MC5R: variants seen among roughly 807,000 people sequenced by gnomAD.
MC5R encodes melanocortin receptor 5.
For synonymous variants in MC5R, 167 were observed against 164.4 expected (o/e 1.02, Z -0.12); for missense variants, 420 against 431.4 (o/e 0.97, Z 0.23).
Position 13,826,008 on chromosome 18 carries a change from G to T in MC5R, c.243G>T (p.Ala81=), listed in dbSNP as rs2236699. The change falls in exon 2 of 2, where the codon GCG becomes GCT. Residue 81 remains alanine (A), a synonymous_variant. Transcript: ENST00000589410. ...TCTTCGTGTGCAGCCTGGCAGTGGC[G>T]GACATGCTGGTGAGCATGTCCAGTG... ...MYFFVCSLAV[A]DMLVSMSSAW... The T allele has an allele frequency of 0.05, 81,356 of 1,613,930 alleles. 2,738 individuals are homozygous for T. The highest frequency in any genetic ancestry group is 0.17 in the East Asian group (7,665 of 44,852).
chr18:13,826,591 C>G lies in MC5R; in HGVS notation c.826C>G (p.His276Asp). 7 of 1,614,180 alleles carry G rather than the reference C, an allele frequency of 4.3e-6. No individual in the cohort carries two copies. The South Asian group carries it at 7.7e-5, about 18-fold the overall frequency. ...CCTCTACTGCTCTCGCTTCATGTCT[C>G]ACTTCAATATGTACCTCATACTCAT... The part of the protein sequence containing the change: ...QNLYCSRFMS[H>D]FNMYLILIMC... Residue 276 changes from histidine (H) to aspartate (D), a missense_variant, in exon 2 of 2, where the codon CAC becomes GAC. Coordinates refer to ENST00000589410, the MANE Select transcript of MC5R (RefSeq NM_005913.3).
chr18:13,826,648 T>C lies in MC5R; in HGVS notation c.883T>C (p.Tyr295His), dbSNP rs757649286. 1.9e-6 allele frequency: 3 copies of C among 1,614,132 alleles called. No individual in the cohort carries two copies. In the East Asian group the frequency reaches 6.7e-5, roughly 36 times the overall value. Reference protein sequence around the residue: ...MCNSVMDPLIYAFRSQEMRKT... With the variant: ...MCNSVMDPLIHAFRSQEMRKT... ...TAATTCCGTGATGGACCCTCTCATA[T>C]ATGCCTTCCGCAGCCAAGAGATGCG... is the stretch of plus-strand genomic sequence containing the variant. Residue 295 changes from tyrosine to histidine, a missense_variant, in exon 2 of 2, where the codon TAT becomes CAT. Physicochemically the swap from Tyr to His is moderately conservative, Grantham distance 83. Transcript: ENST00000589410.
chr18:13,825,650 G>A, intron 1 of MC5R, 77 bp from the exon 2 acceptor site: 2 of 836,144 alleles, frequency 2.4e-6, no homozygotes, highest in Non-Finnish European at 3.8e-6. Flanking sequence ...AGGCTGTGTT[G>A]GTTCTAGGCT....
Position 13,826,497 on chromosome 18 carries a change from G to A in MC5R, c.732G>A (p.Leu244=). The A allele has an allele frequency of 6.2e-7, 1 of 1,613,638 alleles. No individual in the cohort carries two copies. Among genetic ancestry groups the A allele is most frequent in the Non-Finnish European group, 8.5e-7 (1 of 1,179,618 alleles). Residue 244 remains leucine (L), a synonymous_variant, in exon 2 of 2, where the codon CTG becomes CTA. Coordinates refer to ENST00000589410, the MANE Select transcript of MC5R (RefSeq NM_005913.3). ...GCGCGGTCACCGTCACCATGCTGCT[G>A]GGCGTGTTTACCGTGTGCTGGGCCC... ...MQGAVTVTML[L]GVFTVCWAPF...
rs746582014 is a variant in MC5R at position 13,826,189 on chromosome 18, G to C, written c.424G>C (p.Val142Leu). Residue 142 changes from valine to leucine, a missense_variant, in exon 2 of 2, where the codon GTC becomes CTC. Coordinates refer to ENST00000589410, the MANE Select transcript of MC5R (RefSeq NM_005913.3). ...SLLAIAVDRY[V>L]TIFYALRYHH... is the part of the protein sequence containing the mutation. ...ACTGGCCATTGCAGTGGATAGGTACGTCACCATCTTCTACGCCCTGCGCTA... is the reference window on the plus strand; with the variant it reads ...ACTGGCCATTGCAGTGGATAGGTACCTCACCATCTTCTACGCCCTGCGCTA... The C allele has an allele frequency of 1.9e-6, 3 of 1,614,020 alleles. No homozygotes were observed. The highest frequency in any genetic ancestry group is 1.3e-5 in the African/African-American group (1 of 74,916).
rs995102258 is a variant in MC5R at position 13,824,194 on chromosome 18, C to G, written c.-120C>G. Reference sequence around the variant, plus strand: ...GGGGGAGAGGCCCGTCCGGGGCTGGCTCTGAGCGCCGCACGGCCGTCGGAT... The same window carrying G: ...GGGGGAGAGGCCCGTCCGGGGCTGGGTCTGAGCGCCGCACGGCCGTCGGAT... On this transcript the variant is annotated 5_prime_UTR_variant, in exon 1 of 2. Coordinates refer to ENST00000589410, the MANE Select transcript of MC5R (RefSeq NM_005913.3). 6.6e-6 allele frequency: 1 copy of G among 152,258 alleles called. No homozygotes were observed. Among genetic ancestry groups the G allele is most frequent in the East Asian group, 1.9e-4 (1 of 5,168 alleles). 9.4% of individuals were successfully genotyped at this position (152,258 alleles called of 1,614,324 possible). A position where few individuals can be genotyped will look rare whatever the true frequency, so the allele number is the denominator to read the frequency against.
chr18:13,825,299 T>A (rs45563538), intron 1 of MC5R, among the ~76,000 whole-genome samples: 10,101 of 152,106 alleles, frequency 0.066, 394 homozygotes, highest in East Asian at 0.16. Flanking sequence ...TCCTGGGCAC[T>A]TGGAGGTGAG....
rs1327938630 is a variant in MC5R, at chr18:13,826,614, C to T, written c.849C>T (p.Leu283=). The change falls in exon 2 of 2, where the codon CTC becomes CTT. Residue 283 remains leucine (L), a synonymous_variant. Transcript: ENST00000589410. ...FMSHFNMYLI[L]IMCNSVMDPL... ...CTCACTTCAATATGTACCTCATACT[C>T]ATCATGTGTAATTCCGTGATGGACC... 5.0e-6 allele frequency: 8 copies of T among 1,614,026 alleles called. No individual in the cohort carries two copies. In the African/African-American group the frequency reaches 1.1e-4, roughly 22 times the overall value.
At position 13,826,505 on chromosome 18, in the gene MC5R, T is replaced by A. The variant is rs1568533213; in HGVS notation, c.740T>A (p.Phe247Tyr). 6.2e-7 allele frequency: 1 copy of A among 1,613,772 alleles called. No individual in the cohort carries two copies. Among genetic ancestry groups the A allele is most frequent in the East Asian group, 2.2e-5 (1 of 44,870 alleles). The change falls in exon 2 of 2, where the codon TTT becomes TAT. Residue 247 changes from phenylalanine to tyrosine, a missense_variant. Transcript: ENST00000589410. ...AVTVTMLLGV[F>Y]TVCWAPFFLH... Reference sequence around the variant, plus strand: ...ACCGTCACCATGCTGCTGGGCGTGTTTACCGTGTGCTGGGCCCCGTTCTTC... The same window carrying A: ...ACCGTCACCATGCTGCTGGGCGTGTATACCGTGTGCTGGGCCCCGTTCTTC...
intron 1 of MC5R, 55 bp from the exon 2 acceptor site, chr18:13,825,672 T>C (rs1382095095): frequency 1.7e-6 from 2 of 1,147,620 alleles, no homozygotes; most frequent in African/African-American, 3.1e-5. Context: ...GCTGCTGTCT[T>C]TCTTTGGTAG....
rs1291958760 is a variant in MC5R at position 13,826,769 on chromosome 18, CTGTTCTCCTTTGTT to C, written c.*29_*42del. 6.3e-5 allele frequency: 99 copies of C among 1,572,322 alleles called. No individual in the cohort carries two copies. Among genetic ancestry groups the C allele is most frequent in the Non-Finnish European group, 8.0e-5 (93 of 1,163,702 alleles). ...GCACAAAGTGCTCCTCTCTGTGGCT[CTGTTCTCCTTTGTT>C]TGCTCACCTATGACAAAGCGACAGC... On this transcript the variant is annotated 3_prime_UTR_variant, in exon 2 of 2. Coordinates refer to ENST00000589410, the MANE Select transcript of MC5R (RefSeq NM_005913.3).
rs17848292 is a variant in MC5R, at chr18:13,826,089, C to T, written c.324C>T (p.Asp108=). 0.14 allele frequency: 228,966 copies of T among 1,613,926 alleles called. 16,906 individuals carry two copies. The highest frequency in any genetic ancestry group is 0.21 in the East Asian group (9,490 of 44,854). Residue 108 remains aspartate, a synonymous_variant, in exon 2 of 2, where the codon GAC becomes GAT. Transcript: ENST00000589410. Reference sequence around the variant, plus strand: ...ACAACAAGCACCTAGTGATAGCAGACGCCTTTGTGCGCCACATTGACAATG... The same window carrying T: ...ACAACAAGCACCTAGTGATAGCAGATGCCTTTGTGCGCCACATTGACAATG... ...LLNNKHLVIA[D]AFVRHIDNVF... is the part of the protein sequence containing the mutation.
rs2044931027 is a variant in MC5R, at chr18:13,826,466, T to G, written c.701T>G (p.Met234Arg). ...GASSARQRTS[M>R]QGAVTVTMLL... ...AGCTCTGCGCGGCAGAGGACCAGCA[T>G]GCAGGGCGCGGTCACCGTCACCATG... is the stretch of plus-strand genomic sequence containing the variant. Residue 234 changes from methionine to arginine, a missense_variant, in exon 2 of 2, where the codon ATG becomes AGG. Transcript: ENST00000589410. The G allele has an allele frequency of 3.1e-6, 5 of 1,613,626 alleles. No individual in the cohort carries two copies. The South Asian group carries it at 5.5e-5, about 18-fold the overall frequency.
In MC5R at chr18:13,826,199, T is replaced by C. The variant is rs2044928209; in HGVS notation, c.434T>C (p.Phe145Ser). ...GCAGTGGATAGGTACGTCACCATCTTCTACGCCCTGCGCTACCACCACATC... is the reference window on the plus strand; with the variant it reads ...GCAGTGGATAGGTACGTCACCATCTCCTACGCCCTGCGCTACCACCACATC... Reference protein sequence around the residue: ...AIAVDRYVTIFYALRYHHIMT... With the variant: ...AIAVDRYVTISYALRYHHIMT... Residue 145 changes from phenylalanine (F) to serine (S), a missense_variant, in exon 2 of 2, where the codon TTC becomes TCC. Physicochemically the swap from Phe to Ser is radical, Grantham distance 155. Transcript: ENST00000589410. 2 of 1,614,048 alleles carry C rather than the reference T, an allele frequency of 1.2e-6. No individual in the cohort carries two copies. Among genetic ancestry groups the C allele is most frequent in the Non-Finnish European group, 1.7e-6 (2 of 1,180,058 alleles).
intron 1 of MC5R, chr18:13,825,526 T>G: frequency 2.6e-6 from 1 of 390,498 alleles, no homozygotes; most frequent in Non-Finnish European, 4.5e-6. Context: ...GCCAGGAGTT[T>G]GAGACCAGAC....
At chr18:13,825,668 G>A in intron 1 of MC5R, 59 bp from the exon 2 acceptor site, 1 of 1,079,496 alleles carries the variant, frequency 9.3e-7, no homozygotes, top group East Asian at 2.4e-5. Flanking sequence ...GCTAGCTGCT[G>A]TCTTTCTTTG....
chr18:13,825,188 G>A (rs563730462), intron 1 of MC5R, among the ~76,000 whole-genome samples: 39 of 152,310 alleles, frequency 2.6e-4, no homozygotes, highest in Admixed American at 6.5e-4. Flanking sequence ...CCTTAGGAAT[G>A]TGAACATTGG....
rs1235603242 is a variant in MC5R, at chr18:13,826,680, C to T, written c.915C>T (p.Thr305=). 6.2e-7 allele frequency: 1 copy of T among 1,613,844 alleles called. No homozygotes were observed. The highest frequency in any genetic ancestry group is 1.7e-5 in the Admixed American group (1 of 59,976). The part of the protein sequence containing the change: ...YAFRSQEMRK[T]FKEIICCRGF... ...TCCGCAGCCAAGAGATGCGGAAGAC[C>T]TTTAAGGAGATTATTTGCTGCCGTG... The change falls in exon 2 of 2, where the codon ACC becomes ACT. Residue 305 remains threonine, a synonymous_variant. Transcript: ENST00000589410.
intron 1 of MC5R, 145 bp from the exon 2 acceptor site, chr18:13,825,582 A>G (rs79464267): frequency 3.7e-5 from 16 of 432,990 alleles, no homozygotes; most frequent in Non-Finnish European, 6.1e-5. Context: ...AAAAAAAAAA[A>G]GGACTGAGTG....
Sources: allele counts gnomAD v4.1 joint callset (sites outside exome capture counted in the v4.1 genomes callset), GRCh38; gene constraint gnomAD v4.1.1; transcripts MANE v1.5; gene names NCBI Gene and HGNC (gene_info 2026-07-23, HGNC 2026-07-21).